The following SCEL variants were observed in gnomAD, a reference collection of about 807,000 sequenced individuals.
The protein encoded by SCEL is sciellin.
SCEL carries 113 observed loss-of-function variants against 117.6 expected under a neutral mutation model. That is an observed-to-expected ratio of 0.96 (90% CI 0.83 to 1.12). The LOEUF (loss-of-function observed/expected upper bound fraction) is 1.12. SCEL is among the 50% of genes most tolerant of loss of function. SCEL has a pLI of 0.00. For synonymous variants in SCEL, 270 were observed against 256.2 expected (o/e 1.05, Z -0.51); for missense variants, 785 against 810.8 (o/e 0.97, Z 0.39).
intron 1 of SCEL, among the ~76,000 whole-genome samples, chr13:77,547,448 G>A (rs1482810162): frequency 6.6e-6 from 1 of 152,106 alleles, no homozygotes; most frequent in African/African-American, 2.4e-5. Context: ...TGATGGATTT[G>A]GTATAAAAAT....
chr13:77,591,361 T>A (rs773829555), intron 10 of SCEL, 34 bp from the exon 11 acceptor site: 5 of 1,278,830 alleles, frequency 3.9e-6, no homozygotes, highest in Non-Finnish European at 5.6e-6. Flanking sequence ...TTTTCTTTTC[T>A]GACTGATATA....
intron 27 of SCEL, among the ~76,000 whole-genome samples, chr13:77,627,527 G>C (rs1224106563): frequency 6.6e-6 from 1 of 152,032 alleles, no homozygotes; most frequent in Non-Finnish European, 1.5e-5. Context: ...CTAGCATAAA[G>C]AAAAGATAAA....
chr13:77,634,428 AC>A lies in SCEL; in HGVS notation c.1742del (p.Thr581LysfsTer50). ...QAGPQDTVVYTRTYVENSKSP... is the reference protein window; with the variant it reads ...QAGPQDTVVYXRTYVENSKSP... ...AGGACCACAGGATACTGTTGTGTAC[AC>A]AAGGACATATGTGGAGAATAGGTAT... On this transcript the variant is annotated frameshift_variant, in exon 29 of 33. Transcript: ENST00000349847. LOFTEE classifies it high-confidence loss of function. 1 of 1,612,844 alleles carries A rather than the reference AC, an allele frequency of 6.2e-7. No homozygotes were observed. The highest frequency in any genetic ancestry group is 2.2e-5 in the East Asian group (1 of 44,782).
rs1172010084 is a variant in SCEL at position 77,610,105 on chromosome 13, G to A, written c.1336G>A (p.Gly446Arg). Residue 446 changes from glycine (G) to arginine (R), a missense_variant and splice_region_variant, in exon 22 of 33, where the codon GGG (glycine) becomes AGG (arginine). Gly to Arg is a moderately radical substitution (Grantham distance 125). Coordinates refer to ENST00000349847, the MANE Select transcript of SCEL (RefSeq NM_144777.3). ...VTPERNRTNQ[G>R]NQDLENLIKV... Reference sequence around the variant, plus strand: ...TCCTGAAAGAAACAGAACTAACCAAGGGTAAGGTTTATGGAACTCTCTATT... The same window carrying A: ...TCCTGAAAGAAACAGAACTAACCAAAGGTAAGGTTTATGGAACTCTCTATT... 1.2e-6 allele frequency: 2 copies of A among 1,605,254 alleles called. No individual in the cohort carries two copies. The highest frequency in any genetic ancestry group is 2.7e-5 in the African/African-American group (2 of 74,476).
chr13:77,550,672 C>T (rs1472373798), intron 1 of SCEL, among the ~76,000 whole-genome samples: 1 of 152,104 alleles, frequency 6.6e-6, no homozygotes, highest in African/African-American at 2.4e-5. Flanking sequence ...CAAGTTTCAT[C>T]CACATTGTAA....
At chr13:77,612,456 C>CTTTTTTTTTTTTTTTT in intron 22 of SCEL, among the ~76,000 whole-genome samples, 1 of 93,602 alleles carries the variant, frequency 1.1e-5, no homozygotes, top group Non-Finnish European at 2.1e-5. Flanking sequence ...TTTTTCTTTT[C>CTTTTTTTTTTTTTTTT]TTTTTTTTTT....
chr13:77,601,702 C>G (rs879259301), intron 15 of SCEL, among the ~76,000 whole-genome samples: 1 of 152,046 alleles, frequency 6.6e-6, no homozygotes, highest in Non-Finnish European at 1.5e-5. Context: ...GATTTCTACC[C>G]CTGATGTAAA....
intron 17 of SCEL, 54 bp downstream of exon 17, chr13:77,602,767 A>T: frequency 6.7e-7 from 1 of 1,486,094 alleles, no homozygotes. Flanking sequence ...CATATTAATT[A>T]TGTGATATTG....
chr13:77,633,910 A>G (rs1427847129), intron 28 of SCEL, among the ~76,000 whole-genome samples: 3 of 152,218 alleles, frequency 2.0e-5, no homozygotes, highest in African/African-American at 4.8e-5. Context: ...AAAGTCTACA[A>G]TTTAAAAAAG....
intron 24 of SCEL, among the ~76,000 whole-genome samples, chr13:77,616,854 G>A (rs1423173772): frequency 6.6e-6 from 1 of 151,824 alleles, no homozygotes; most frequent in Non-Finnish European, 1.5e-5. Flanking sequence ...CTGGAAGCAG[G>A]TTTTGTCAGT....
chr13:77,583,143 GTGGAGGATTC>G (rs2086360676), intron 9 of SCEL, among the ~76,000 whole-genome samples: 1 of 152,214 alleles, frequency 6.6e-6, no homozygotes, highest in Admixed American at 6.5e-5. Flanking sequence ...TACTTGTGGA[GTGGAGGATTC>G]CCTGCAATAG....
rs146228420 is a variant in SCEL at position 77,539,294 on chromosome 13, C to A, written c.-20+3470C>A. On this transcript the variant is annotated intron_variant, in intron 1 of 32. Transcript: ENST00000349847. ...TATACATATTTTATAATATACATAGCATATTACATAATGGGACATATATGT... is the reference window on the plus strand; with the variant it reads ...TATACATATTTTATAATATACATAGAATATTACATAATGGGACATATATGT... 5.0e-3 allele frequency among the ~76,000 whole-genome samples: 752 copies of A among 150,684 alleles called. 12 individuals are homozygous for A. The highest frequency in any genetic ancestry group is 0.017 in the African/African-American group (713 of 41,262).
At chr13:77,634,964 A>G (rs999614605) in intron 29 of SCEL, among the ~76,000 whole-genome samples, 1 of 152,206 alleles carries the variant, frequency 6.6e-6, no homozygotes, top group Non-Finnish European at 1.5e-5. Flanking sequence ...TCAGGGCTCA[A>G]TAATTCATTT....
Position 77,571,119 on chromosome 13 carries a change from T to C in SCEL, c.480-1005T>C, listed in dbSNP as rs2085584919. ...TGCTGGGATTACAGGTGTGAGGCCCTGCGCCTAGCTCGCTCACAGTTTTTT... is the reference window on the plus strand; with the variant it reads ...TGCTGGGATTACAGGTGTGAGGCCCCGCGCCTAGCTCGCTCACAGTTTTTT... On this transcript the variant is annotated intron_variant, in intron 8 of 32. Transcript: ENST00000349847. 2.7e-5 allele frequency among the ~76,000 whole-genome samples: 4 copies of C among 150,234 alleles called. 1 individual carries two copies. Among genetic ancestry groups the C allele is most frequent in the Admixed American group, 2.6e-4 (4 of 15,124 alleles).
intron 1 of SCEL, among the ~76,000 whole-genome samples, chr13:77,554,035 G>A (rs934721069): frequency 3.9e-5 from 6 of 152,004 alleles, no homozygotes; most frequent in Non-Finnish European, 7.4e-5. Flanking sequence ...CACATCTTAG[G>A]TCAGGTTTCC....
In SCEL at chr13:77,609,042, GT is replaced by G; in HGVS notation, c.1218-9del. On this transcript the variant is annotated splice_polypyrimidine_tract_variant and intron_variant, in intron 20 of 32. Coordinates refer to ENST00000349847, the MANE Select transcript of SCEL (RefSeq NM_144777.3). ...TCCATTTTTATTTATGATGTTTTTTGTTTTTTTGTTTGAAGTTCCAAAGACC... is the reference window on the plus strand; with the variant it reads ...TCCATTTTTATTTATGATGTTTTTTGTTTTTTGTTTGAAGTTCCAAAGACC... 2.6e-6 allele frequency: 4 copies of G among 1,559,816 alleles called. No individual in the cohort carries two copies. In the Admixed American group the frequency reaches 6.0e-5, roughly 23 times the overall value.
At chr13:77,610,224 G>T in intron 22 of SCEL, 118 bp downstream of exon 22, 1 of 563,594 alleles carries the variant, frequency 1.8e-6, no homozygotes, top group East Asian at 3.5e-5. Context: ...AGGCCGAGGC[G>T]GGAGGATCAC....
intron 1 of SCEL, among the ~76,000 whole-genome samples, chr13:77,551,872 G>C (rs550339451): frequency 1.4e-4 from 17 of 118,468 alleles, no homozygotes; most frequent in Admixed American, 7.4e-4. Flanking sequence ...AGTCCCCAGA[G>C]TGTGATGTTC....
intron 14 of SCEL, 120 bp from the exon 15 acceptor site, chr13:77,599,569 C>A: frequency 1.1e-6 from 1 of 910,618 alleles, no homozygotes; most frequent in Non-Finnish European, 1.8e-6. Context: ...TTCTGCTCTT[C>A]CATTCAATAA....
Sources: gnomAD v4.1 joint callset for allele counts (sites outside exome capture counted in the v4.1 genomes callset) on GRCh38, gnomAD v4.1.1 for gene constraint, MANE v1.5 for transcripts, NCBI Gene and HGNC (gene_info 2026-07-23, HGNC 2026-07-21) for gene names.